ST8SIA1: variants seen among roughly 807,000 people sequenced by gnomAD.
The protein encoded by ST8SIA1 is alpha-N-acetylneuraminide alpha-2,8-sialyltransferase.
ST8SIA1 carries 16 observed loss-of-function variants against 35.9 expected under a neutral mutation model. The ratio of observed to expected loss-of-function variants is 0.45; its 90% confidence interval spans 0.30 to 0.68. ST8SIA1 has a LOEUF of 0.68. Among genes scored for constraint, ST8SIA1 ranks in the 30% least tolerant of loss-of-function variants. The pLI, the probability that ST8SIA1 is intolerant of heterozygous loss-of-function variation, is 0.09. For missense variants in ST8SIA1, 383 were observed against 453.6 expected, an observed-to-expected ratio of 0.84 and a Z score of 1.41; for synonymous variants, 170 against 169.6, an observed-to-expected ratio of 1.00 and a Z score of -0.02.
chr12:22,303,775 G>C (rs1251282041), intron 1 of ST8SIA1, among the ~76,000 whole-genome samples: 1 of 150,810 alleles, frequency 6.6e-6, no homozygotes, highest in African/African-American at 2.4e-5. Flanking sequence ...AAATTAGAAG[G>C]AAAGTTCCAA....
At chr12:22,254,569 T>A (rs547002390) in intron 3 of ST8SIA1, among the ~76,000 whole-genome samples, 185 of 152,330 alleles carry the variant, frequency 1.2e-3, no homozygotes, top group South Asian at 3.3e-3. Context: ...TCACTTGCTG[T>A]CTCTCCTTCT....
At chr12:22,314,546 G>T (rs1414012508) in intron 1 of ST8SIA1, among the ~76,000 whole-genome samples, 1 of 152,180 alleles carries the variant, frequency 6.6e-6, no homozygotes, top group Non-Finnish European at 1.5e-5. Flanking sequence ...ATTAGCAGAA[G>T]AAAACTCAGT....
rs540685073 is a variant in ST8SIA1 at position 22,194,196 on chromosome 12, G to GT, written c.*7355dup. The GT allele has an allele frequency of 4.1e-4, 62 of 152,212 alleles. No homozygotes were observed. The highest frequency in any genetic ancestry group is 1.5e-3 in the African/African-American group (62 of 41,536). 9.4% of individuals were successfully genotyped at this position (152,212 alleles called of 1,614,324 possible). ...ATTAATTATAAGGGGAGTGTCTATA[G>GT]TAACCTATCAACACCCAACGGTGCT... On this transcript the variant is annotated 3_prime_UTR_variant, in exon 5 of 5. Coordinates refer to ENST00000396037, the MANE Select transcript of ST8SIA1 (RefSeq NM_003034.4).
intron 4 of ST8SIA1, among the ~76,000 whole-genome samples, chr12:22,220,688 C>CA (rs1357014764): frequency 1.3e-5 from 2 of 152,178 alleles, no homozygotes; most frequent in Non-Finnish European, 2.9e-5. Flanking sequence ...GCAAATATTT[C>CA]ATTCATTTAA....
At chr12:22,280,196 G>A (rs1228106111) in intron 2 of ST8SIA1, among the ~76,000 whole-genome samples, 2 of 152,104 alleles carry the variant, frequency 1.3e-5, no homozygotes, top group African/African-American at 4.8e-5. Flanking sequence ...ATGAAACAGA[G>A]GCTTCCTAGT....
At chr12:22,266,848 T>TATATATAC (rs1555158440) in intron 2 of ST8SIA1, among the ~76,000 whole-genome samples, 9 of 145,054 alleles carry the variant, frequency 6.2e-5, no homozygotes, top group African/African-American at 2.3e-4. Flanking sequence ...CACAAAAGTA[T>TATATATAC]ACACACACAC....
chr12:22,218,314 ACT>A (rs1340059341), intron 4 of ST8SIA1, among the ~76,000 whole-genome samples: 1 of 147,462 alleles, frequency 6.8e-6, no homozygotes, highest in Non-Finnish European at 1.5e-5. Flanking sequence ...ACAGAGTGAG[ACT>A]CTCTCAAAAA....
intron 1 of ST8SIA1, among the ~76,000 whole-genome samples, chr12:22,320,454 G>A (rs1866572232): frequency 6.6e-6 from 1 of 152,162 alleles, no homozygotes; most frequent in East Asian, 1.9e-4. Flanking sequence ...TTTGTGGTGA[G>A]GCCACAGCCT....
intron 4 of ST8SIA1, among the ~76,000 whole-genome samples, chr12:22,210,546 T>C (rs1017052267): frequency 3.3e-5 from 5 of 152,110 alleles, no homozygotes; most frequent in African/African-American, 1.2e-4. Flanking sequence ...TACCTAGAGA[T>C]AGCGTCAGAC....
intron 1 of ST8SIA1, among the ~76,000 whole-genome samples, chr12:22,297,729 T>G (rs1482102688): frequency 2.6e-5 from 4 of 152,280 alleles, no homozygotes; most frequent in African/African-American, 9.6e-5. Flanking sequence ...AGCTAGAATC[T>G]TTATATTTGT....
intron 1 of ST8SIA1, among the ~76,000 whole-genome samples, chr12:22,322,284 T>C (rs959779661): frequency 5.3e-5 from 8 of 152,222 alleles, no homozygotes; most frequent in Non-Finnish European, 8.8e-5. Context: ...CATTGTGTGC[T>C]GCGTGCTTGT....
At chr12:22,324,141 T>C (rs1440005977) in intron 1 of ST8SIA1, among the ~76,000 whole-genome samples, 2 of 152,208 alleles carry the variant, frequency 1.3e-5, no homozygotes, top group African/African-American at 4.8e-5. Context: ...ATTGGTTAAA[T>C]ACATTTAATG....
At chr12:22,223,540 T>C in intron 4 of ST8SIA1, 1 of 1,032,950 alleles carries the variant, frequency 9.7e-7, no homozygotes, top group Non-Finnish European at 1.2e-6. Flanking sequence ...ACTTCTGAAC[T>C]GGGTTAAATG....
At chr12:22,315,769 TAAAAA>T (rs34854158) in intron 1 of ST8SIA1, among the ~76,000 whole-genome samples, 1 of 129,116 alleles carries the variant, frequency 7.7e-6, no homozygotes, top group Non-Finnish European at 1.6e-5. Flanking sequence ...CCCCTTAATG[TAAAAA>T]AAAAAAAAAA....
chr12:22,217,955 A>C (rs1865252912), intron 4 of ST8SIA1, among the ~76,000 whole-genome samples: 1 of 152,214 alleles, frequency 6.6e-6, no homozygotes. Flanking sequence ...ATAACTGTTC[A>C]TTTCTCATGT....
chr12:22,269,943 T>C (rs886087591), intron 2 of ST8SIA1, among the ~76,000 whole-genome samples: 5 of 152,178 alleles, frequency 3.3e-5, no homozygotes, highest in Non-Finnish European at 7.4e-5. Flanking sequence ...TTGGACCACA[T>C]TACAGAAATT....
Position 22,193,991 on chromosome 12 carries a change from C to A in ST8SIA1, c.*7561G>T, listed in dbSNP as rs555758861. The A allele has an allele frequency of 6.6e-6, 1 of 152,080 alleles. No homozygotes were observed. Among genetic ancestry groups the A allele is most frequent in the Non-Finnish European group, 1.5e-5 (1 of 68,006 alleles). 9.4% of individuals were successfully genotyped at this position (152,080 alleles called of 1,614,324 possible). On this transcript the variant is annotated 3_prime_UTR_variant, in exon 5 of 5. Transcript: ENST00000396037. ...AGAATTAAAGAGACCAAAAAGACAC[C>A]TTTTTCCCCAGTGCTTTTTAGACTG...
At chr12:22,228,227 T>C (rs1865379869) in intron 4 of ST8SIA1, among the ~76,000 whole-genome samples, 1 of 152,238 alleles carries the variant, frequency 6.6e-6, no homozygotes, top group Non-Finnish European at 1.5e-5. Flanking sequence ...CTGTGTTTCT[T>C]TGCCAGTGGA....
intron 1 of ST8SIA1, among the ~76,000 whole-genome samples, chr12:22,293,566 C>A (rs1332502155): frequency 6.6e-6 from 1 of 152,140 alleles, no homozygotes; most frequent in Non-Finnish European, 1.5e-5. Flanking sequence ...TGTCACAGAG[C>A]CTGATTCATG....
Sources: allele counts gnomAD v4.1 joint callset (sites outside exome capture counted in the v4.1 genomes callset), GRCh38; gene constraint gnomAD v4.1.1; transcripts MANE v1.5; gene names NCBI Gene and HGNC (gene_info 2026-07-23, HGNC 2026-07-21).